Variants in OPCML observed in about 807,000 individuals in gnomAD.
OPCML encodes opioid-binding protein/cell adhesion molecule.
OPCML carries 13 observed loss-of-function variants against 37.8 expected under a neutral mutation model. The ratio of observed to expected loss-of-function variants is 0.34; its 90% CI spans 0.22 to 0.55. OPCML has a LOEUF of 0.55. OPCML is among the 20% of genes least tolerant of loss of function. OPCML has a pLI of 0.91. For synonymous variants in OPCML, 176 were observed against 168.8 expected (o/e 1.04, Z -0.33); for missense variants, 341 against 435.6 (o/e 0.78, Z 1.93).
At chr11:132,495,203 C>T (rs2096227581) in intron 4 of OPCML, among the ~76,000 whole-genome samples, 1 of 152,130 alleles carries the variant, frequency 6.6e-6, no homozygotes, top group Non-Finnish European at 1.5e-5. Flanking sequence ...AGCCTTCATC[C>T]ATTAGGACTC....
intron 2 of OPCML, among the ~76,000 whole-genome samples, chr11:132,764,287 C>T (rs1432943543): frequency 6.6e-6 from 1 of 152,126 alleles, no homozygotes; most frequent in Non-Finnish European, 1.5e-5. Context: ...TTCATCCTTC[C>T]TCCCACCCCA....
intron 2 of OPCML, among the ~76,000 whole-genome samples, chr11:132,816,975 ACTCTC>A (rs940648397): frequency 6.6e-6 from 1 of 151,714 alleles, no homozygotes; most frequent in African/African-American, 2.4e-5. Context: ...TTTCTGTGCT[ACTCTC>A]CTCTCCTCTC....
intron 2 of OPCML, among the ~76,000 whole-genome samples, chr11:132,736,214 G>A (rs1347242020): frequency 1.3e-5 from 2 of 152,090 alleles, no homozygotes; most frequent in Non-Finnish European, 2.9e-5. Flanking sequence ...GGGGAGAGCA[G>A]GAAAAACTGT....
chr11:132,982,702 G>A (rs1049095911), intron 1 of OPCML, among the ~76,000 whole-genome samples: 1 of 152,198 alleles, frequency 6.6e-6, no homozygotes, highest in Admixed American at 6.5e-5. Context: ...GTGTTCAGCT[G>A]TAATATTCTG....
At chr11:132,717,495 G>A (rs1048780588) in intron 2 of OPCML, among the ~76,000 whole-genome samples, 2 of 152,018 alleles carry the variant, frequency 1.3e-5, no homozygotes, top group Non-Finnish European at 2.9e-5. Flanking sequence ...AAACAAACAT[G>A]TATAAAGCAA....
intron 2 of OPCML, among the ~76,000 whole-genome samples, chr11:132,924,227 G>A (rs1057000232): frequency 2.0e-5 from 3 of 152,060 alleles, no homozygotes; most frequent in Non-Finnish European, 4.4e-5. Flanking sequence ...AGCTACACCT[G>A]TAAATGCTTG....
At chr11:132,623,567 G>A (rs976257460) in intron 3 of OPCML, among the ~76,000 whole-genome samples, 3 of 152,138 alleles carry the variant, frequency 2.0e-5, no homozygotes, top group African/African-American at 7.2e-5. Context: ...GTATAACATC[G>A]TTATTTTCAT....
Position 132,915,576 on chromosome 11 carries a change from G to A in OPCML, c.146+27350C>T, listed in dbSNP as rs970997729. ...ATTTGTATAGATATGGACAATCACC[G>A]TCTCCAAAAGACTCACACATTGATA... On this transcript the variant is annotated intron_variant, in intron 2 of 7. Transcript: ENST00000524381. 5.3e-5 allele frequency among the ~76,000 whole-genome samples: 8 copies of A among 152,258 alleles called. No homozygotes were observed. In the South Asian group the frequency reaches 6.2e-4, roughly 12 times the overall value.
At chr11:132,979,620 G>A (rs898769211) in intron 1 of OPCML, among the ~76,000 whole-genome samples, 2 of 152,170 alleles carry the variant, frequency 1.3e-5, no homozygotes, top group Non-Finnish European at 2.9e-5. Context: ...CTAGCATACT[G>A]GGTTTTTGTT....
chr11:132,738,247 T>C (rs1945322414), intron 2 of OPCML, among the ~76,000 whole-genome samples: 1 of 152,232 alleles, frequency 6.6e-6, no homozygotes, highest in African/African-American at 2.4e-5. Flanking sequence ...CTCATGTCTA[T>C]TCTTTTGCAG....
intron 7 of OPCML, among the ~76,000 whole-genome samples, chr11:132,431,689 T>C (rs1487307865): frequency 1.3e-5 from 2 of 152,264 alleles, no homozygotes; most frequent in Non-Finnish European, 2.9e-5. Flanking sequence ...CTCTGCATTC[T>C]TTCAAAATTG....
chr11:132,609,922 A>C (rs982099354), intron 3 of OPCML, among the ~76,000 whole-genome samples: 1 of 152,206 alleles, frequency 6.6e-6, no homozygotes, highest in Non-Finnish European at 1.5e-5. Flanking sequence ...GAAAAATAAA[A>C]TATCAATCGC....
intron 1 of OPCML, among the ~76,000 whole-genome samples, chr11:133,011,889 G>A (rs1223144978): frequency 3.9e-5 from 6 of 152,312 alleles, no homozygotes; most frequent in Middle Eastern, 3.4e-3. Context: ...GAAGATTAAT[G>A]TGTTCTTGGC....
intron 1 of OPCML, among the ~76,000 whole-genome samples, chr11:133,140,525 TAATAATAAGAAG>T (rs1357238705): frequency 3.5e-5 from 2 of 57,042 alleles, no homozygotes; most frequent in Non-Finnish European, 7.7e-5. Flanking sequence ...ATAATAATAA[TAATAATAAGAAG>T]AAGAAGAAGA....
At chr11:133,142,498 T>G (rs577012160) in intron 1 of OPCML, among the ~76,000 whole-genome samples, 1 of 152,322 alleles carries the variant, frequency 6.6e-6, no homozygotes, top group African/African-American at 2.4e-5. Context: ...TTTGCACTTT[T>G]ATCAGAATTG....
chr11:133,439,391 T>C (rs1946311290), intron 1 of OPCML: 3 of 984,326 alleles, frequency 3.0e-6, no homozygotes, highest in Non-Finnish European at 3.6e-6. Flanking sequence ...ATAGGAAAAA[T>C]TCCGTCTGTT....
At chr11:132,917,567 AAAG>A (rs1944649429) in intron 2 of OPCML, among the ~76,000 whole-genome samples, 2 of 152,272 alleles carry the variant, frequency 1.3e-5, no homozygotes, top group South Asian at 4.1e-4. Context: ...GGAATTGGGG[AAAG>A]AAGAAAATTA....
intron 2 of OPCML, among the ~76,000 whole-genome samples, chr11:132,902,714 C>A (rs1565950262): frequency 6.6e-6 from 1 of 152,012 alleles, no homozygotes; most frequent in African/African-American, 2.4e-5. Context: ...CAGGGAGGGG[C>A]TCTCTCTTGA....
intron 1 of OPCML, among the ~76,000 whole-genome samples, chr11:132,969,709 A>C (rs1395463368): frequency 6.6e-6 from 1 of 151,982 alleles, no homozygotes; most frequent in Non-Finnish European, 1.5e-5. Flanking sequence ...CCCTCTCATA[A>C]TTTTTTTAAA....
Sources: allele counts gnomAD v4.1 joint callset (sites outside exome capture counted in the v4.1 genomes callset), GRCh38; gene constraint gnomAD v4.1.1; transcripts MANE v1.5; gene names NCBI Gene and HGNC (gene_info 2026-07-23, HGNC 2026-07-21).